The following ALDH1A2 variants were observed in gnomAD, a reference collection of about 807,000 sequenced individuals.
ALDH1A2 encodes aldehyde dehydrogenase 1 family member A2, also known as retinal dehydrogenase 2.
ALDH1A2 carries 27 observed loss-of-function variants against 60.3 expected under a neutral mutation model. The ratio of observed to expected loss-of-function variants is 0.45; its 90% confidence interval spans 0.33 to 0.62. ALDH1A2 has a LOEUF of 0.62. Among genes scored for constraint, ALDH1A2 ranks in the 20% least tolerant of loss-of-function variants. The pLI is 0.02. For synonymous variants in ALDH1A2, 289 were observed against 232.4 expected, an observed-to-expected ratio of 1.24 and a Z score of -2.21; for missense variants, 581 against 643.8, an observed-to-expected ratio of 0.90 and a Z score of 1.06.
At chr15:58,063,544 C>G (rs138802796) in intron 1 of ALDH1A2, among the ~76,000 whole-genome samples, 25 of 152,024 alleles carry the variant, frequency 1.6e-4, no homozygotes, top group African/African-American at 5.3e-4. Context: ...AGCTTCTGCT[C>G]TTCACGTTTA....
At chr15:57,960,962 T>C (rs1202648569) in intron 11 of ALDH1A2, 118 bp from the exon 12 acceptor site, 12 of 1,335,338 alleles carry the variant, frequency 9.0e-6, no homozygotes, top group South Asian at 2.7e-5. Context: ...GAGGAAAAAA[T>C]TGTAATTTAA....
intron 7 of ALDH1A2, among the ~76,000 whole-genome samples, chr15:57,981,301 C>G (rs964075126): frequency 6.7e-6 from 1 of 149,132 alleles, no homozygotes; most frequent in Non-Finnish European, 1.5e-5. Context: ...CACACACACA[C>G]ACACACACAC....
chr15:58,019,411 C>T (rs1401553896), intron 1 of ALDH1A2, among the ~76,000 whole-genome samples: 1 of 152,168 alleles, frequency 6.6e-6, no homozygotes, highest in Non-Finnish European at 1.5e-5. Flanking sequence ...TTGTAGTTTA[C>T]TGAATTTCAG....
chr15:57,955,257 G>A lies in ALDH1A2; in HGVS notation c.1497C>T (p.Gly499=). The A allele has an allele frequency of 6.2e-7, 1 of 1,614,066 alleles. No individual in the cohort carries two copies. The highest frequency in any genetic ancestry group is 8.5e-7 in the Non-Finnish European group (1 of 1,180,022). The change falls in exon 13 of 13, where the codon GGC becomes GGT. Residue 499 remains glycine, a synonymous_variant. Coordinates refer to ENST00000249750, the MANE Select transcript of ALDH1A2 (RefSeq NM_003888.4). ...SGNGREMGEF[G]LREYSEVKTV... is the part of the protein sequence containing the mutation. ...TCTTAACTTCTGAGTACTCCCGCAA[G>A]CCAAATTCTCCCCTGAAACACAGAA...
intron 4 of ALDH1A2, among the ~76,000 whole-genome samples, chr15:58,004,131 C>T (rs1353269287): frequency 1.3e-5 from 2 of 151,826 alleles, no homozygotes; most frequent in African/African-American, 4.8e-5. Flanking sequence ...CATGAGATAA[C>T]CCTTTTGTCT....
chr15:58,045,088 A>G (rs1451956983), intron 1 of ALDH1A2, among the ~76,000 whole-genome samples: 2 of 152,144 alleles, frequency 1.3e-5, no homozygotes, highest in Non-Finnish European at 2.9e-5. Context: ...TGGGCAAAGC[A>G]TATGAACAGA....
chr15:57,968,069 C>T (rs1893951718), intron 7 of ALDH1A2, among the ~76,000 whole-genome samples: 1 of 152,150 alleles, frequency 6.6e-6, no homozygotes, highest in African/African-American at 2.4e-5. Context: ...TCATCTGTGA[C>T]TGTCTGCTCT....
At chr15:58,051,485 C>G (rs1408928838) in intron 1 of ALDH1A2, among the ~76,000 whole-genome samples, 1 of 152,072 alleles carries the variant, frequency 6.6e-6, no homozygotes, top group Non-Finnish European at 1.5e-5. Flanking sequence ...TTAGAAAACT[C>G]TTGCTAGGAC....
intron 7 of ALDH1A2, among the ~76,000 whole-genome samples, chr15:57,974,866 T>C (rs1490129902): frequency 3.3e-5 from 5 of 152,236 alleles, no homozygotes; most frequent in Admixed American, 2.6e-4. Context: ...ACAATTTTCA[T>C]AATTCAACAA....
At chr15:58,000,804 A>G (rs1365650681) in intron 4 of ALDH1A2, among the ~76,000 whole-genome samples, 1 of 151,854 alleles carries the variant, frequency 6.6e-6, no homozygotes, top group Non-Finnish European at 1.5e-5. Context: ...CTGCATTTCT[A>G]CATGCTCTCA....
chr15:58,029,862 C>T (rs1001256078), intron 1 of ALDH1A2, among the ~76,000 whole-genome samples: 1 of 152,126 alleles, frequency 6.6e-6, no homozygotes, highest in Non-Finnish European at 1.5e-5. Flanking sequence ...TCTGAATAGA[C>T]CAATAATCAG....
rs1893744936 is a variant in ALDH1A2, at chr15:57,962,196, A to G, written c.1087-20T>C. ...ATCAATCTGTGGGAGACAAGACTTA[A>G]TGACTCCAAATATAACCTTCTATGA... On this transcript the variant is annotated intron_variant, in intron 9 of 12. Transcript: ENST00000249750. The G allele has an allele frequency of 6.2e-7, 1 of 1,610,586 alleles. No homozygotes were observed. The highest frequency in any genetic ancestry group is 1.1e-5 in the South Asian group (1 of 91,004).
intron 4 of ALDH1A2, among the ~76,000 whole-genome samples, chr15:57,997,851 G>A (rs1895116511): frequency 6.6e-6 from 1 of 151,910 alleles, no homozygotes; most frequent in South Asian, 2.1e-4. Flanking sequence ...CTAACACAGG[G>A]AAAGAGACAG....
intron 3 of ALDH1A2, among the ~76,000 whole-genome samples, chr15:58,011,588 A>T (rs761994081): frequency 6.6e-6 from 1 of 152,180 alleles, no homozygotes. Flanking sequence ...TTTTTTTCCT[A>T]CAAGTGTATT....
intron 1 of ALDH1A2, among the ~76,000 whole-genome samples, chr15:58,037,898 C>A (rs528319215): frequency 5.7e-4 from 86 of 151,756 alleles, no homozygotes; most frequent in African/African-American, 2.0e-3. Flanking sequence ...CAAAAAGACA[C>A]ACTTTGTGTT....
intron 7 of ALDH1A2, among the ~76,000 whole-genome samples, chr15:57,970,569 A>G (rs1482503948): frequency 1.3e-5 from 2 of 152,244 alleles, no homozygotes; most frequent in Non-Finnish European, 2.9e-5. Context: ...AAAAAGGAAC[A>G]CAAAAGGCTT....
chr15:58,058,433 T>G (rs936605532), intron 1 of ALDH1A2, among the ~76,000 whole-genome samples: 3 of 145,852 alleles, frequency 2.1e-5, no homozygotes, highest in Non-Finnish European at 4.5e-5. Flanking sequence ...ACTTTCTGAC[T>G]GTTTAATCTT....
At chr15:58,005,104 G>C (rs900243025) in intron 4 of ALDH1A2, among the ~76,000 whole-genome samples, 2 of 151,688 alleles carry the variant, frequency 1.3e-5, no homozygotes, top group African/African-American at 4.8e-5. Flanking sequence ...TTTCATATCT[G>C]CTTATACTTT....
chr15:57,987,541 C>T (rs1376620888), intron 7 of ALDH1A2, among the ~76,000 whole-genome samples: 1 of 152,042 alleles, frequency 6.6e-6, no homozygotes, highest in African/African-American at 2.4e-5. Flanking sequence ...AAAACACAAA[C>T]TGTCACATTA....
Sources: allele counts gnomAD v4.1 joint callset (sites outside exome capture counted in the v4.1 genomes callset), GRCh38; gene constraint gnomAD v4.1.1; transcripts MANE v1.5; gene names NCBI Gene and HGNC (gene_info 2026-07-23, HGNC 2026-07-21).